The following SRBD1 variants were observed in gnomAD, a reference collection of about 807,000 sequenced individuals.
The protein encoded by SRBD1 is S1 RNA binding domain 1.
In SRBD1, 88 loss-of-function variants were observed where a neutral mutation model predicts 115.3. The observed-to-expected ratio is 0.76, with a 90% CI of 0.64 to 0.91. SRBD1 has a LOEUF of 0.91. Ranked by LOEUF, SRBD1 falls within the 40% of genes least tolerant of loss-of-function variation. The pLI is 0.00. For synonymous variants in SRBD1, 509 were observed against 407.7 expected (o/e 1.25, Z -2.99); for missense variants, 1,385 against 1,177.4 (o/e 1.18, Z -2.58).
intron 16 of SRBD1, among the ~76,000 whole-genome samples, chr2:45,460,111 C>T (rs562007136): frequency 6.6e-6 from 1 of 152,214 alleles, no homozygotes; most frequent in South Asian, 2.1e-4. Flanking sequence ...CAAGAAAACA[C>T]GTCCTGGCTC....
chr2:45,465,369 G>A (rs1372902131), intron 16 of SRBD1, among the ~76,000 whole-genome samples: 2 of 151,952 alleles, frequency 1.3e-5, no homozygotes, highest in Non-Finnish European at 2.9e-5. Flanking sequence ...GGAAGCCCCA[G>A]ATATGGAGGG....
chr2:45,463,353 A>C (rs1669383176), intron 16 of SRBD1, among the ~76,000 whole-genome samples: 1 of 152,198 alleles, frequency 6.6e-6, no homozygotes, highest in Non-Finnish European at 1.5e-5. Context: ...TAAATTTAAA[A>C]TGTAACATAA....
rs901903653 is a variant in SRBD1, at chr2:45,536,740, C to G, written c.1874+9992G>C. Among the ~76,000 whole-genome samples, 17 of 152,176 alleles carry G rather than the reference C, an allele frequency of 1.1e-4. 1 individual carries two copies. The highest frequency in any genetic ancestry group is 3.9e-4 in the East Asian group (2 of 5,172). On this transcript the variant is annotated intron_variant, in intron 14 of 20. Transcript: ENST00000263736. ...ATCCCAATGTGTTCTCAGAACCATT[C>G]CTCTATTTACTTCCCTTCAGAGGAT... is the stretch of plus-strand genomic sequence containing the variant.
chr2:45,469,575 T>G (rs972440937), intron 16 of SRBD1, among the ~76,000 whole-genome samples: 2 of 152,190 alleles, frequency 1.3e-5, no homozygotes, highest in African/African-American at 4.8e-5. Flanking sequence ...GCTTATTACA[T>G]TGTTGGTGAT....
chr2:45,521,567 G>C (rs1369829746), intron 14 of SRBD1, among the ~76,000 whole-genome samples: 1 of 151,846 alleles, frequency 6.6e-6, no homozygotes, highest in Non-Finnish European at 1.5e-5. Context: ...ATATAAAATG[G>C]TGCAGCCATT....
chr2:45,393,466 C>T (rs944111865), intron 19 of SRBD1, among the ~76,000 whole-genome samples: 4 of 152,308 alleles, frequency 2.6e-5, no homozygotes, highest in South Asian at 4.1e-4. Flanking sequence ...CCACAAGCTC[C>T]GCCTCCTGGG....
At chr2:45,583,303 G>C (rs1034566429) in intron 5 of SRBD1, among the ~76,000 whole-genome samples, 1 of 152,060 alleles carries the variant, frequency 6.6e-6, no homozygotes, top group Non-Finnish European at 1.5e-5. Context: ...ATTACAACCT[G>C]TATGTCTTCT....
intron 20 of SRBD1, among the ~76,000 whole-genome samples, chr2:45,392,049 G>C (rs531257392): frequency 1.3e-5 from 2 of 152,192 alleles, no homozygotes; most frequent in African/African-American, 4.8e-5. Flanking sequence ...ATTGTGTGGA[G>C]GACTACTAGG....
At chr2:45,533,826 T>C (rs2103990233) in intron 14 of SRBD1, among the ~76,000 whole-genome samples, 1 of 152,218 alleles carries the variant, frequency 6.6e-6, no homozygotes, top group East Asian at 1.9e-4. Flanking sequence ...AAACAGGACA[T>C]CTGTTTTGGT....
intron 20 of SRBD1, among the ~76,000 whole-genome samples, chr2:45,391,777 C>T (rs1312691361): frequency 6.6e-6 from 1 of 151,880 alleles, no homozygotes; most frequent in Non-Finnish European, 1.5e-5. Flanking sequence ...TCTGAGTCTA[C>T]AATGCAACTG....
intron 16 of SRBD1, among the ~76,000 whole-genome samples, chr2:45,441,352 C>T (rs1238595643): frequency 1.3e-5 from 2 of 152,248 alleles, no homozygotes; most frequent in African/African-American, 2.4e-5. Context: ...CATACTGTTC[C>T]TATCCCCATT....
intron 14 of SRBD1, among the ~76,000 whole-genome samples, chr2:45,508,972 C>T (rs980909254): frequency 6.6e-6 from 1 of 151,960 alleles, no homozygotes; most frequent in Non-Finnish European, 1.5e-5. Context: ...TTGCAGGGCA[C>T]GGTGAGTTGG....
At chr2:45,547,683 A>G in intron 12 of SRBD1, 71 bp from the exon 13 acceptor site, 1 of 1,316,394 alleles carries the variant, frequency 7.6e-7, no homozygotes, top group Non-Finnish European at 1.1e-6. Context: ...GATTTTGTTA[A>G]GCAAGTTGTA....
chr2:45,576,949 C>G (rs1170085470), intron 7 of SRBD1, among the ~76,000 whole-genome samples: 1 of 152,140 alleles, frequency 6.6e-6, no homozygotes, highest in Non-Finnish European at 1.5e-5. Context: ...TAAAATTGTG[C>G]TAGAGCGCTA....
rs1409761551 is a variant in SRBD1 at position 45,568,837 on chromosome 2, T to C, written c.1305+4370A>G. 9.9e-5 allele frequency among the ~76,000 whole-genome samples: 15 copies of C among 152,248 alleles called. 1 individual carries two copies. Among genetic ancestry groups the C allele is most frequent in the Admixed American group, 9.8e-4 (15 of 15,288 alleles). Reference sequence around the variant, plus strand: ...GAATGTTAGTATACTTAGTCACTGGTACTATTAAAAATTACTTTTCATTAT... The same window carrying C: ...GAATGTTAGTATACTTAGTCACTGGCACTATTAAAAATTACTTTTCATTAT... On this transcript the variant is annotated intron_variant, in intron 9 of 20. Transcript: ENST00000263736.
At chr2:45,605,833 G>A (rs990648803) in intron 1 of SRBD1, among the ~76,000 whole-genome samples, 1 of 151,696 alleles carries the variant, frequency 6.6e-6, no homozygotes, top group African/African-American at 2.4e-5. Context: ...GAACCCAGGA[G>A]GTGGAGGTTG....
chr2:45,473,748 C>T (rs181218935), intron 16 of SRBD1, among the ~76,000 whole-genome samples: 5 of 152,268 alleles, frequency 3.3e-5, no homozygotes, highest in Admixed American at 2.0e-4. Context: ...CTCTTTATCA[C>T]GTATTCTGAA....
intron 9 of SRBD1, chr2:45,568,063 G>C (rs1271043787): frequency 6.6e-6 from 1 of 152,154 alleles, no homozygotes; most frequent in Non-Finnish European, 1.5e-5. Context: ...TGCAGATGGT[G>C]ACATTGAACA....
intron 1 of SRBD1, among the ~76,000 whole-genome samples, chr2:45,606,813 T>C (rs978749650): frequency 2.0e-5 from 3 of 152,204 alleles, no homozygotes; most frequent in African/African-American, 7.2e-5. Context: ...CATAAAACCA[T>C]CAAACTATAA....
Sources: gnomAD v4.1 joint callset for allele counts (sites outside exome capture counted in the v4.1 genomes callset) on GRCh38, gnomAD v4.1.1 for gene constraint, MANE v1.5 for transcripts, NCBI Gene and HGNC (gene_info 2026-07-23, HGNC 2026-07-21) for gene names.